Variants in PCNX1 observed in about 807,000 individuals in gnomAD.
The protein encoded by PCNX1 is pecanex 1.
A neutral mutation model predicts 242.2 loss-of-function variants in PCNX1; 78 were observed. The ratio of observed to expected loss-of-function variants is 0.32; its 90% confidence interval spans 0.27 to 0.39. PCNX1 has a LOEUF of 0.39. Among genes scored for constraint, PCNX1 ranks in the 10% least tolerant of loss-of-function variants. The pLI, the probability that PCNX1 is intolerant of heterozygous loss-of-function variation, is 1.00. For missense variants in PCNX1, 2,581 were observed against 2,856.5 expected, an observed-to-expected ratio of 0.90 and a Z score of 2.20; for synonymous variants, 1,024 against 1,032.9, an observed-to-expected ratio of 0.99 and a Z score of 0.17.
At chr14:71,004,060 G>T (rs571865419) in intron 8 of PCNX1, among the ~76,000 whole-genome samples, 1 of 152,194 alleles carries the variant, frequency 6.6e-6, no homozygotes, top group African/African-American at 2.4e-5. Flanking sequence ...CCGCCTGTGG[G>T]CTAAGTCCAG....
intron 26 of PCNX1, among the ~76,000 whole-genome samples, chr14:71,072,505 A>T (rs1247382453): frequency 3.3e-5 from 5 of 152,224 alleles, no homozygotes; most frequent in Non-Finnish European, 5.9e-5. Context: ...TAGCTTGGCT[A>T]TAAAAACCTT....
intron 1 of PCNX1, among the ~76,000 whole-genome samples, chr14:70,920,510 G>C (rs761713669): frequency 1.3e-5 from 2 of 152,248 alleles, no homozygotes; most frequent in Non-Finnish European, 2.9e-5. Flanking sequence ...GGACAAAAGA[G>C]AGGGAGAGTA....
chr14:71,033,858 A>T (rs1271843453), intron 17 of PCNX1, 73 bp from the exon 18 acceptor site: 2 of 802,176 alleles, frequency 2.5e-6, no homozygotes, highest in South Asian at 1.5e-5. Context: ...TCTATCATAA[A>T]CTTCATTGCC....
At chr14:70,967,615 AATTC>A (rs778749050) in intron 3 of PCNX1, among the ~76,000 whole-genome samples, 1 of 152,170 alleles carries the variant, frequency 6.6e-6, no homozygotes, top group Non-Finnish European at 1.5e-5. Context: ...TTGTGCTAAA[AATTC>A]ATTTTTCATG....
rs769664456 is a variant in PCNX1 at position 71,076,302 on chromosome 14, G to C, written c.5220G>C (p.Pro1740=). 9.3e-6 allele frequency: 15 copies of C among 1,613,764 alleles called. No individual in the cohort carries two copies. In the African/African-American group the frequency reaches 9.3e-5, roughly 10 times the overall value. ...ATCGCAATTATGTCGATGTGGACCCGACCTTTAATCCAAACATTGATGAAG... is the reference window on the plus strand; with the variant it reads ...ATCGCAATTATGTCGATGTGGACCCCACCTTTAATCCAAACATTGATGAAG... The part of the protein sequence containing the change: ...CADRNYVDVD[P]TFNPNIDEDY... Residue 1740 remains proline, a synonymous_variant, in exon 28 of 36, where the codon CCG becomes CCC. Transcript: ENST00000304743.
At position 70,977,117 on chromosome 14, in the gene PCNX1, C is replaced by A; in HGVS notation, c.780C>A (p.Asp260Glu). ...ATCAGTCTCTGTCCAGCGCCTGTGACACAGAAGTAGCTTCTCTTGTACCTT... is the reference window on the plus strand; with the variant it reads ...ATCAGTCTCTGTCCAGCGCCTGTGAAACAGAAGTAGCTTCTCTTGTACCTT... ...HVDQSLSSAC[D>E]TEVASLVPLH... The change falls in exon 6 of 36, where the codon GAC (aspartate) becomes GAA (glutamate). Residue 260 changes from aspartate to glutamate, a missense_variant. Asp to Glu is a conservative substitution (Grantham distance 45). Transcript: ENST00000304743. 1 of 1,614,204 alleles carries A rather than the reference C, an allele frequency of 6.2e-7. No homozygotes were observed. The highest frequency in any genetic ancestry group is 8.5e-7 in the Non-Finnish European group (1 of 1,180,032).
intron 32 of PCNX1, among the ~76,000 whole-genome samples, chr14:71,104,101 A>G (rs2062540096): frequency 6.6e-6 from 1 of 152,222 alleles, no homozygotes. Context: ...CTTGATGGCA[A>G]TGCAGAGATA....
intron 1 of PCNX1, 121 bp from the exon 2 acceptor site, chr14:70,946,794 G>T (rs1246095549): frequency 2.3e-5 from 17 of 739,436 alleles, no homozygotes; most frequent in Non-Finnish European, 3.7e-5. Flanking sequence ...GCAGCTTAGC[G>T]CTAGTAACAT....
At position 71,033,991 on chromosome 14, in the gene PCNX1, A is replaced by G. The variant is rs139579813; in HGVS notation, c.3729A>G (p.Leu1243=). 4.5e-5 allele frequency: 72 copies of G among 1,609,528 alleles called. No individual in the cohort carries two copies. The African/African-American group carries it at 6.6e-4, about 15-fold the overall frequency. The part of the protein sequence containing the change: ...KTEEKNPEDP[L]SEVKDPLPEK... ...AAGAGAAAAATCCAGAAGACCCTCT[A>G]TCTGAAGTAAAAGATCCACTGCCTG... The change falls in exon 18 of 36, where the codon CTA becomes CTG. Residue 1243 remains leucine, a synonymous_variant. Transcript: ENST00000304743.
rs2060262403 is a variant in PCNX1, at chr14:71,027,104, A to AT, written c.3466+223dup. ...GAAAGAGCCAGGTATAATGAAGCAG[A>AT]TGTTTAAGAAGTTATAAAATAATGT... On this transcript the variant is annotated intron_variant, in intron 15 of 35. Transcript: ENST00000304743. 5 of 394,604 alleles carry AT rather than the reference A, an allele frequency of 1.3e-5. No homozygotes were observed. The Admixed American group carries it at 2.1e-4, about 17-fold the overall frequency. The allele number at this position is 394,604 out of a possible 1,614,324, so 24.4% of individuals were successfully genotyped here.
chr14:70,990,386 C>T (rs543214991), intron 7 of PCNX1, among the ~76,000 whole-genome samples: 23 of 150,750 alleles, frequency 1.5e-4, no homozygotes, highest in African/African-American at 5.4e-4. Flanking sequence ...GGTGAAACCT[C>T]GTCTCTACTA....
rs142469803 is a variant in PCNX1 at position 71,088,186 on chromosome 14, A to T, written c.5338-144A>T. On this transcript the variant is annotated intron_variant, in intron 28 of 35. Coordinates refer to ENST00000304743, the MANE Select transcript of PCNX1 (RefSeq NM_014982.3). ...CCCATACACATTCATGCTTCATTTC[A>T]TACAGTTTTATTAAGTTTATTTTGA... The T allele has an allele frequency of 8.0e-3, 3,533 of 440,710 alleles. 28 individuals carry two copies. Among genetic ancestry groups the T allele is most frequent in the South Asian group, 0.016 (328 of 20,382 alleles). The allele number at this position is 440,710 out of a possible 1,614,324, so 27.3% of individuals were successfully genotyped here. A position where few individuals can be genotyped will look rare whatever the true frequency, so the allele number is the denominator to read the frequency against.
chr14:71,001,031 T>C (rs2059490772), intron 8 of PCNX1, among the ~76,000 whole-genome samples: 1 of 152,236 alleles, frequency 6.6e-6, no homozygotes, highest in Non-Finnish European at 1.5e-5. Context: ...AAATAATGGC[T>C]ACTTCATAGG....
chr14:70,947,100 G>C lies in PCNX1; in HGVS notation c.339G>C (p.Arg113Ser), dbSNP rs145323023. The change falls in exon 2 of 36, where the codon AGG (arginine) becomes AGC (serine). Residue 113 changes from arginine to serine, a missense_variant. Arg to Ser is a moderately radical substitution (Grantham distance 110, BLOSUM62 -1). Around this residue, in one of 9 missense-constraint regions of PCNX1, gnomAD observed 1,204 missense variants for 1,216.7 expected, o/e 0.99. Transcript: ENST00000304743. ...CTGAACAAGGCAACTGTTCAACCAG[G>C]AGAAAAGACAGCAATGGACCGAGGT... ...TKAEQGNCST[R>S]RKDSNGPSDP... The C allele has an allele frequency of 6.2e-7, 1 of 1,611,818 alleles. No individual in the cohort carries two copies. Among genetic ancestry groups the C allele is most frequent in the Non-Finnish European group, 8.5e-7 (1 of 1,178,938 alleles).
intron 26 of PCNX1, chr14:71,060,884 C>T (rs1384777425): frequency 6.6e-6 from 1 of 152,172 alleles, no homozygotes; most frequent in African/African-American, 2.4e-5. Context: ...AGATTGAACA[C>T]AACTACAGTG....
intron 8 of PCNX1, 63 bp downstream of exon 8, chr14:70,995,988 A>G (rs1183407542): frequency 3.3e-6 from 4 of 1,205,482 alleles, no homozygotes; most frequent in Non-Finnish European, 4.9e-6. Flanking sequence ...GATGGGTAAC[A>G]ATTGCAGTTC....
At chr14:71,040,579 T>C (rs1242997861) in intron 19 of PCNX1, among the ~76,000 whole-genome samples, 2 of 152,164 alleles carry the variant, frequency 1.3e-5, no homozygotes, top group East Asian at 1.9e-4. Flanking sequence ...CATGAGATAC[T>C]TTGATACAGG....
At chr14:71,018,891 C>G in intron 11 of PCNX1, 118 bp from the exon 12 acceptor site, 1 of 806,622 alleles carries the variant, frequency 1.2e-6, no homozygotes, top group African/African-American at 1.7e-5. Flanking sequence ...AAACTCAGTA[C>G]CAAAAAGACA....
At chr14:70,923,913 G>A (rs986562949) in intron 1 of PCNX1, among the ~76,000 whole-genome samples, 1 of 152,010 alleles carries the variant, frequency 6.6e-6, no homozygotes, top group African/African-American at 2.4e-5. Context: ...TTTGTCAAAG[G>A]GCTAATACTT....
Sources: gnomAD v4.1 joint callset for allele counts (sites outside exome capture counted in the v4.1 genomes callset) on GRCh38, gnomAD v4.1.1 for gene constraint, gnomAD v4.1.1 regional missense constraint, MANE v1.5 for transcripts, NCBI Gene and HGNC (gene_info 2026-07-23, HGNC 2026-07-21) for gene names.